CYB5R4: variants seen among roughly 807,000 people sequenced by gnomAD.
CYB5R4 encodes N-terminal cytochrome b5 and cytochrome b5 oxidoreductase domain-containing protein.
CYB5R4 carries 55 observed loss-of-function variants against 70.2 expected under a neutral mutation model. That is an observed-to-expected ratio of 0.78 (90% CI 0.63 to 0.98). CYB5R4 has a LOEUF of 0.98. Among genes scored for constraint, CYB5R4 ranks in the 50% least tolerant of loss-of-function variants. The pLI, the probability that CYB5R4 is intolerant of heterozygous loss-of-function variation, is 0.00. For missense variants in CYB5R4, 562 were observed against 612.6 expected (o/e 0.92, Z 0.87); for synonymous variants, 197 against 199.5 (o/e 0.99, Z 0.11).
intron 10 of CYB5R4, among the ~76,000 whole-genome samples, chr6:83,927,061 T>A (rs572843472): frequency 6.6e-6 from 1 of 152,308 alleles, no homozygotes; most frequent in South Asian, 2.1e-4. Flanking sequence ...CTTTTGTCTC[T>A]GATTTCCGTT....
chr6:83,879,893 T>C (rs2099459187), intron 2 of CYB5R4, among the ~76,000 whole-genome samples: 1 of 152,188 alleles, frequency 6.6e-6, no homozygotes, highest in South Asian at 2.1e-4. Context: ...GTCTCATTTT[T>C]CTGTGCTCTG....
At chr6:83,937,995 G>A (rs1187320019) in intron 12 of CYB5R4, among the ~76,000 whole-genome samples, 1 of 152,134 alleles carries the variant, frequency 6.6e-6, no homozygotes, top group Non-Finnish European at 1.5e-5. Flanking sequence ...AATACATTGG[G>A]ATACCAGTGA....
intron 15 of CYB5R4, among the ~76,000 whole-genome samples, chr6:83,956,302 A>T (rs1216965714): frequency 1.3e-5 from 2 of 152,186 alleles, no homozygotes; most frequent in Admixed American, 6.5e-5. Context: ...GAGGCATGAG[A>T]CATCAATCAA....
chr6:83,923,673 A>G (rs139296313), intron 9 of CYB5R4, among the ~76,000 whole-genome samples: 304 of 152,286 alleles, frequency 2.0e-3, no homozygotes, highest in Non-Finnish European at 3.4e-3. Flanking sequence ...AAATATTTTT[A>G]TCAAAGATTC....
At chr6:83,931,553 T>C (rs1319145060) in intron 10 of CYB5R4, among the ~76,000 whole-genome samples, 1 of 152,176 alleles carries the variant, frequency 6.6e-6, no homozygotes, top group African/African-American at 2.4e-5. Flanking sequence ...TTATCCTCAG[T>C]ATTTCACCCT....
At chr6:83,914,717 A>G (rs1196141330) in intron 5 of CYB5R4, among the ~76,000 whole-genome samples, 1 of 151,842 alleles carries the variant, frequency 6.6e-6, no homozygotes, top group Non-Finnish European at 1.5e-5. Flanking sequence ...TTGTATTTTT[A>G]GTAGAGATGG....
chr6:83,904,638 A>G (rs913885702), intron 3 of CYB5R4, among the ~76,000 whole-genome samples: 4 of 152,190 alleles, frequency 2.6e-5, no homozygotes, highest in Non-Finnish European at 5.9e-5. Flanking sequence ...GAACTCCCCC[A>G]CTATTATTGT....
chr6:83,922,669 G>A (rs746399012), intron 9 of CYB5R4, among the ~76,000 whole-genome samples, 199 bp downstream of exon 9: 8 of 151,754 alleles, frequency 5.3e-5, no homozygotes, highest in South Asian at 2.1e-4. Context: ...AGATGTGCAC[G>A]TTTGTTACAT....
At chr6:83,877,394 G>T (rs375588558) in intron 2 of CYB5R4, among the ~76,000 whole-genome samples, 16 of 151,994 alleles carry the variant, frequency 1.1e-4, no homozygotes, top group African/African-American at 3.9e-4. Context: ...CCTGAGGCTG[G>T]GTAATTTATA....
chr6:83,902,063 CT>C (rs1184322460), intron 3 of CYB5R4, among the ~76,000 whole-genome samples: 1 of 152,016 alleles, frequency 6.6e-6, no homozygotes, highest in African/African-American at 2.4e-5. Flanking sequence ...GTTGTCTGTG[CT>C]TTTGAGGTCT....
At chr6:83,891,829 C>T (rs1302230849) in intron 2 of CYB5R4, among the ~76,000 whole-genome samples, 1 of 152,172 alleles carries the variant, frequency 6.6e-6, no homozygotes, top group Non-Finnish European at 1.5e-5. Context: ...GCTTTATGTG[C>T]TCATCATGGA....
chr6:83,910,277 G>T (rs972921906), intron 4 of CYB5R4: 2 of 713,612 alleles, frequency 2.8e-6, no homozygotes, highest in Admixed American at 2.8e-5. Flanking sequence ...TTCCTCATTG[G>T]TAAAATGGAG....
chr6:83,955,377 T>C lies in CYB5R4; in HGVS notation c.1426T>C (p.Ser476Pro). Residue 476 changes from serine (S) to proline (P), a missense_variant, in exon 15 of 16, where the codon TCT becomes CCT. Physicochemically the swap from Ser to Pro is moderately conservative, Grantham distance 74. Coordinates refer to ENST00000369681, the MANE Select transcript of CYB5R4 (RefSeq NM_016230.4). ...GGGACATATTTCACCAGCTCTTCTTTCTGAATTTTTGAAAAGAAATTTGGA... is the reference window on the plus strand; with the variant it reads ...GGGACATATTTCACCAGCTCTTCTTCCTGAATTTTTGAAAAGAAATTTGGA... ...KQGHISPALL[S>P]EFLKRNLDKS... 2 of 1,614,014 alleles carry C rather than the reference T, an allele frequency of 1.2e-6. No individual in the cohort carries two copies. The highest frequency in any genetic ancestry group is 1.3e-5 in the African/African-American group (1 of 75,048).
At chr6:83,945,752 C>G (rs1364173560) in intron 14 of CYB5R4, among the ~76,000 whole-genome samples, 2 of 152,132 alleles carry the variant, frequency 1.3e-5, no homozygotes, top group East Asian at 3.8e-4. Flanking sequence ...CACCACTGAT[C>G]CCACAGAAAT....
Position 83,915,226 on chromosome 6 carries a change from A to G in CYB5R4, c.445+778A>G, listed in dbSNP as rs147658162. On this transcript the variant is annotated intron_variant, in intron 5 of 15. Transcript: ENST00000369681. ...GGTGGTCACTACTGACATAAAATGC[A>G]TGGTGCTAACTCTGACTGAACTATA... is the stretch of plus-strand genomic sequence containing the variant. Among the ~76,000 whole-genome samples the G allele has an allele frequency of 5.3e-4, 80 of 152,330 alleles. No individual in the cohort carries two copies. In the East Asian group the frequency reaches 0.012, roughly 22 times the overall value.
intron 14 of CYB5R4, among the ~76,000 whole-genome samples, chr6:83,954,660 A>G (rs1400205482): frequency 6.6e-6 from 1 of 151,978 alleles, no homozygotes; most frequent in Non-Finnish European, 1.5e-5. Flanking sequence ...CTTTTTTTTC[A>G]ATACTAGTAG....
At chr6:83,902,234 A>C (rs117462080) in intron 3 of CYB5R4, among the ~76,000 whole-genome samples, 1 of 152,130 alleles carries the variant, frequency 6.6e-6, no homozygotes, top group Non-Finnish European at 1.5e-5. Context: ...ATTCTTCTGC[A>C]TATGGATATC....
chr6:83,902,967 A>G (rs1381519990), intron 3 of CYB5R4, among the ~76,000 whole-genome samples: 1 of 152,064 alleles, frequency 6.6e-6, no homozygotes, highest in African/African-American at 2.4e-5. Context: ...AGTATTTGTT[A>G]AAAGGGACAG....
chr6:83,904,698 G>A (rs1562835043), intron 3 of CYB5R4, among the ~76,000 whole-genome samples: 1 of 152,130 alleles, frequency 6.6e-6, no homozygotes, highest in Admixed American at 6.5e-5. Flanking sequence ...GCTTTTGAAT[G>A]TGTTTTGTAT....
Sources: allele counts gnomAD v4.1 joint callset (sites outside exome capture counted in the v4.1 genomes callset), GRCh38; gene constraint gnomAD v4.1.1; transcripts MANE v1.5; gene names NCBI Gene and HGNC (gene_info 2026-07-23, HGNC 2026-07-21).